GABPB1: variants seen among roughly 807,000 people sequenced by gnomAD.
The protein encoded by GABPB1 is GA-binding protein subunit beta-1.
A neutral mutation model predicts 45.9 loss-of-function variants in GABPB1; 15 were observed. The observed-to-expected ratio is 0.33, with a 90% CI of 0.22 to 0.50. The LOEUF (loss-of-function observed/expected upper bound fraction) is 0.50. GABPB1 is among the 20% of genes least tolerant of loss of function. The pLI is 0.98. For synonymous variants in GABPB1, 143 were observed against 154.4 expected (o/e 0.93, Z 0.55); for missense variants, 252 against 457.5 (o/e 0.55, Z 4.10).
intron 8 of GABPB1, among the ~76,000 whole-genome samples, chr15:50,280,754 A>C (rs953944242): frequency 1.3e-5 from 2 of 152,042 alleles, no homozygotes; most frequent in Non-Finnish European, 2.9e-5. Flanking sequence ...GAAAAAAAAA[A>C]GAAAAAAGAG....
At position 50,332,065 on chromosome 15, in the gene GABPB1, G is replaced by A. The variant is rs1040467382; in HGVS notation, c.1-22267C>T. Among the ~76,000 whole-genome samples the A allele has an allele frequency of 7.9e-5, 12 of 151,968 alleles. 1 individual carries two copies. The highest frequency in any genetic ancestry group is 2.9e-4 in the African/African-American group (12 of 41,448). ...GATTTTTGTATTTTTAGTAGAGACG[G>A]GGTTTCACCATGTTGATCATGCTGG... is the stretch of plus-strand genomic sequence containing the variant. On this transcript the variant is annotated intron_variant, in intron 1 of 8. Transcript: ENST00000380877.
chr15:50,338,647 T>C (rs2048231455), intron 1 of GABPB1, among the ~76,000 whole-genome samples: 1 of 152,024 alleles, frequency 6.6e-6, no homozygotes, highest in East Asian at 1.9e-4. Context: ...CTAATTTTTC[T>C]ATTTTTTGTA....
intron 7 of GABPB1, among the ~76,000 whole-genome samples, chr15:50,287,871 G>C (rs75916385): frequency 0.039 from 5,934 of 152,228 alleles, 220 homozygotes; most frequent in East Asian, 0.2. Flanking sequence ...GGCTTCAGAG[G>C]TCAAGGGTTT....
At chr15:50,329,423 TAAAG>T (rs2047877086) in intron 1 of GABPB1, among the ~76,000 whole-genome samples, 1 of 152,242 alleles carries the variant, frequency 6.6e-6, no homozygotes, top group Non-Finnish European at 1.5e-5. Context: ...ATCATTCACA[TAAAG>T]ACTTACTGCC....
Position 50,286,172 on chromosome 15 carries a change from G to T in GABPB1, c.895C>A (p.Pro299Thr). The change falls in exon 8 of 9, where the codon CCA (proline) becomes ACA (threonine). Residue 299 changes from proline to threonine, a missense_variant. Coordinates refer to ENST00000380877, the MANE Select transcript of GABPB1 (RefSeq NM_016654.5). ...GTTTCTTCAGCAATGTCTGTTGCTG[G>T]TACTGTTAATACTAAAATGAAAAAA... ...MPDGQQVLTV[P>T]ATDIAEETVI... 1 of 1,563,764 alleles carries T rather than the reference G, an allele frequency of 6.4e-7. No homozygotes were observed. The highest frequency in any genetic ancestry group is 1.7e-4 in the Middle Eastern group (1 of 5,816).
chr15:50,300,436 G>GT (rs1297157973), intron 6 of GABPB1, among the ~76,000 whole-genome samples: 1 of 40,808 alleles, frequency 2.5e-5, no homozygotes, highest in Non-Finnish European at 3.9e-5. Flanking sequence ...ACTGTTTTTG[G>GT]TTTTTTTTTT....
intron 1 of GABPB1, among the ~76,000 whole-genome samples, chr15:50,328,567 G>C (rs2047850936): frequency 6.6e-6 from 1 of 152,166 alleles, no homozygotes; most frequent in Admixed American, 6.5e-5. Context: ...ACATCAGGAA[G>C]CACATCTTTT....
rs181502269 is a variant in GABPB1 at position 50,317,724 on chromosome 15, A to G, written c.1-7926T>C. ...GGAGATTGACACCATCCTGGCTAAC[A>G]TGGTGAAACCCCGTCTCTACTGAAA... On this transcript the variant is annotated intron_variant, in intron 1 of 8. Coordinates refer to ENST00000380877, the MANE Select transcript of GABPB1 (RefSeq NM_016654.5). Among the ~76,000 whole-genome samples the G allele has an allele frequency of 1.3e-3, 197 of 152,202 alleles. 1 individual carries two copies. The highest frequency in any genetic ancestry group is 4.5e-3 in the African/African-American group (186 of 41,560).
intron 2 of GABPB1, among the ~76,000 whole-genome samples, chr15:50,306,214 C>T (rs2046942991): frequency 6.6e-6 from 1 of 152,126 alleles, no homozygotes; most frequent in Admixed American, 6.6e-5. Context: ...AAATAATCTG[C>T]CACCTCAGTC....
At chr15:50,300,307 A>T (rs553587795) in intron 6 of GABPB1, among the ~76,000 whole-genome samples, 4 of 152,226 alleles carry the variant, frequency 2.6e-5, no homozygotes, top group Admixed American at 2.6e-4. Flanking sequence ...ATAATCAGCT[A>T]GAGTTGAGTC....
At chr15:50,284,911 A>G (rs1179728179) in intron 8 of GABPB1, among the ~76,000 whole-genome samples, 1 of 152,172 alleles carries the variant, frequency 6.6e-6, no homozygotes, top group Non-Finnish European at 1.5e-5. Flanking sequence ...TGAAGAAATA[A>G]AACAACCCAA....
intron 2 of GABPB1, among the ~76,000 whole-genome samples, chr15:50,309,265 A>C (rs975378057): frequency 1.3e-4 from 20 of 151,982 alleles, no homozygotes; most frequent in African/African-American, 4.8e-4. Flanking sequence ...CTCTTTCGTC[A>C]TGTCTGCAAC....
At chr15:50,304,571 C>A (rs1403648218) in intron 2 of GABPB1, among the ~76,000 whole-genome samples, 1 of 152,010 alleles carries the variant, frequency 6.6e-6, no homozygotes, top group Admixed American at 6.6e-5. Context: ...ATTAGCCAGG[C>A]GTGGTGGCAT....
intron 1 of GABPB1, among the ~76,000 whole-genome samples, chr15:50,312,251 C>G (rs2047156906): frequency 6.6e-6 from 1 of 151,938 alleles, no homozygotes; most frequent in African/African-American, 2.4e-5. Context: ...TATATTATAT[C>G]CTGTAGTAAA....
Position 50,289,708 on chromosome 15 carries a change from C to T in GABPB1, c.698-40G>A, listed in dbSNP as rs576128696. On this transcript the variant is annotated intron_variant, in intron 6 of 8. Transcript: ENST00000380877. ...AAGAAAACTCAGCAAACATATGTAA[C>T]GGTATGAATAGAAACCTATTTTTGC... 601 of 1,489,348 alleles carry T rather than the reference C, an allele frequency of 4.0e-4. 4 individuals carry two copies. In the South Asian group the frequency reaches 5.2e-3, roughly 13 times the overall value. The allele number at this position is 1,489,348 out of a possible 1,614,324, so 92.3% of individuals were successfully genotyped here.
chr15:50,299,889 T>C (rs1415985887), intron 6 of GABPB1, among the ~76,000 whole-genome samples: 1 of 152,036 alleles, frequency 6.6e-6, no homozygotes, highest in Non-Finnish European at 1.5e-5. Flanking sequence ...TGATCTTGGC[T>C]CATGGCAACC....
intron 1 of GABPB1, among the ~76,000 whole-genome samples, chr15:50,318,719 G>C (rs1370779916): frequency 1.3e-5 from 2 of 152,170 alleles, no homozygotes; most frequent in African/African-American, 4.8e-5. Context: ...AGACAGGCTG[G>C]TAAGTCTCCT....
At chr15:50,284,936 G>C (rs1217907412) in intron 8 of GABPB1, among the ~76,000 whole-genome samples, 1 of 152,060 alleles carries the variant, frequency 6.6e-6, no homozygotes, top group Non-Finnish European at 1.5e-5. Flanking sequence ...AATATTTAAA[G>C]TCATAATTTT....
chr15:50,290,310 T>C (rs1310398085), intron 6 of GABPB1, among the ~76,000 whole-genome samples: 1 of 152,022 alleles, frequency 6.6e-6, no homozygotes, highest in Non-Finnish European at 1.5e-5. Flanking sequence ...CACAATTCAG[T>C]CGGGTGCTGG....
Sources: gnomAD v4.1 joint callset for allele counts (sites outside exome capture counted in the v4.1 genomes callset) on GRCh38, gnomAD v4.1.1 for gene constraint, MANE v1.5 for transcripts, NCBI Gene and HGNC (gene_info 2026-07-23, HGNC 2026-07-21) for gene names.